Variants in NUDCD3 observed in about 807,000 individuals in gnomAD.
NUDCD3 encodes the protein NudC domain containing 3, also known as nudC domain-containing protein 3.
A neutral mutation model predicts 39.7 loss-of-function variants in NUDCD3; 13 were observed. The observed-to-expected ratio is 0.33, with a 90% CI of 0.21 to 0.52. The LOEUF (loss-of-function observed/expected upper bound fraction) is 0.52, where lower values mean the gene tolerates loss of function less well. Ranked by LOEUF, NUDCD3 falls within the 20% of genes least tolerant of loss-of-function variation. The probability of loss-of-function intolerance (pLI) is 0.96; values close to 1 mark genes in which losing one functional copy is unlikely to be tolerated. For missense variants in NUDCD3, 453 were observed against 458.1 expected, an observed-to-expected ratio of 0.99 and a Z score of 0.10; for synonymous variants, 175 against 172.4, an observed-to-expected ratio of 1.02 and a Z score of -0.12.
intron 2 of NUDCD3, among the ~76,000 whole-genome samples, chr7:44,431,512 C>T (rs1431535734): frequency 6.6e-6 from 1 of 152,090 alleles, no homozygotes; most frequent in Admixed American, 6.6e-5. Context: ...GGAGAGCTAG[C>T]AGCACTGCCA....
chr7:44,406,923 T>C (rs533778532), intron 3 of NUDCD3, among the ~76,000 whole-genome samples: 5 of 152,198 alleles, frequency 3.3e-5, no homozygotes, highest in African/African-American at 1.2e-4. Context: ...TCGGCAGGTA[T>C]GCAGAGCAGG....
chr7:44,419,213 C>A (rs1353095903), intron 3 of NUDCD3, among the ~76,000 whole-genome samples: 1 of 152,082 alleles, frequency 6.6e-6, no homozygotes, highest in African/African-American at 2.4e-5. Flanking sequence ...GCTAAAGAGG[C>A]CTGGAAGCTC....
Position 44,381,596 on chromosome 7 carries a change from A to G in NUDCD3, c.*4415T>C, listed in dbSNP as rs913608902. ...CAGGCCCTGACCAGCTCTGGGGAAG[A>G]AGGCCTAGGACTGAGAGAGGCAGCA... is the stretch of plus-strand genomic sequence containing the variant. On this transcript the variant is annotated 3_prime_UTR_variant, in exon 6 of 6. Coordinates refer to ENST00000355451, the MANE Select transcript of NUDCD3 (RefSeq NM_015332.4). 2 of 152,232 alleles carry G rather than the reference A, an allele frequency of 1.3e-5. No homozygotes were observed. Among genetic ancestry groups the G allele is most frequent in the Non-Finnish European group, 2.9e-5 (2 of 68,058 alleles). The allele number at this position is 152,232 out of a possible 1,614,324, so 9.4% of individuals were successfully genotyped here.
intron 4 of NUDCD3, among the ~76,000 whole-genome samples, chr7:44,394,103 C>T (rs1033931124): frequency 2.2e-4 from 33 of 152,152 alleles, no homozygotes; most frequent in African/African-American, 7.5e-4. Flanking sequence ...CGATGTGGTG[C>T]GGGAGAGCAC....
chr7:44,451,461 C>A (rs976045526), intron 2 of NUDCD3, among the ~76,000 whole-genome samples: 1 of 152,094 alleles, frequency 6.6e-6, no homozygotes, highest in Non-Finnish European at 1.5e-5. Context: ...CATAGCTGCA[C>A]GCTTGAAAAT....
At chr7:44,469,848 G>GAA (rs1311155335) in intron 2 of NUDCD3, among the ~76,000 whole-genome samples, 1 of 145,632 alleles carries the variant, frequency 6.9e-6, no homozygotes, top group African/African-American at 2.5e-5. Flanking sequence ...GGCAATGAAG[G>GAA]AAAAAAAAAA....
Position 44,379,569 on chromosome 7 carries a change from A to G in NUDCD3, c.*6442T>C, listed in dbSNP as rs11770941. The G allele has an allele frequency of 0.15, 22,975 of 152,156 alleles. 1,938 individuals carry two copies. Among genetic ancestry groups the G allele is most frequent in the Non-Finnish European group, 0.18 (12,326 of 68,076 alleles). The allele number at this position is 152,156 out of a possible 1,614,324, so 9.4% of individuals were successfully genotyped here. The stretch of plus-strand genomic sequence containing the variant: ...TGTCGAGGAGTCACCACGGCCCTGC[A>G]CTCAGTTAATGCTCTACTGTTGCTG... On this transcript the variant is annotated 3_prime_UTR_variant, in exon 6 of 6. Coordinates refer to ENST00000355451, the MANE Select transcript of NUDCD3 (RefSeq NM_015332.4).
chr7:44,467,224 G>C (rs1484139965), intron 2 of NUDCD3, among the ~76,000 whole-genome samples: 1 of 152,164 alleles, frequency 6.6e-6, no homozygotes, highest in Non-Finnish European at 1.5e-5. Context: ...AGGAAGGAGA[G>C]TCCCTTCCAA....
chr7:44,446,791 T>C (rs1799696905), intron 2 of NUDCD3, among the ~76,000 whole-genome samples: 1 of 152,190 alleles, frequency 6.6e-6, no homozygotes, highest in Non-Finnish European at 1.5e-5. Flanking sequence ...GCAATCCCCA[T>C]ACTATTACCC....
At chr7:44,486,918 G>A (rs1800623381) in intron 1 of NUDCD3, among the ~76,000 whole-genome samples, 1 of 152,152 alleles carries the variant, frequency 6.6e-6, no homozygotes, top group Non-Finnish European at 1.5e-5. Flanking sequence ...ACAGAACATA[G>A]GGCTGGAAGA....
rs908042720 is a variant in NUDCD3 at position 44,391,364 on chromosome 7, C to T, written c.975+933G>A. Among the ~76,000 whole-genome samples the T allele has an allele frequency of 3.3e-5, 5 of 152,082 alleles. No homozygotes were observed. The East Asian group carries it at 5.8e-4, about 18-fold the overall frequency. On this transcript the variant is annotated intron_variant, in intron 5 of 5. Transcript: ENST00000355451. ...GTCTGTGAAAATAGGCAAGAACGGACGAGACACAGCAACAGGGCTTGCAGA... is the reference window on the plus strand; with the variant it reads ...GTCTGTGAAAATAGGCAAGAACGGATGAGACACAGCAACAGGGCTTGCAGA...
intron 2 of NUDCD3, among the ~76,000 whole-genome samples, chr7:44,444,437 G>T (rs901826334): frequency 9.2e-5 from 14 of 152,172 alleles, no homozygotes; most frequent in African/African-American, 3.4e-4. Flanking sequence ...CTGGCTGGGA[G>T]ACAGGGCCCA....
chr7:44,466,259 G>T (rs962901699), intron 2 of NUDCD3, among the ~76,000 whole-genome samples: 1 of 152,120 alleles, frequency 6.6e-6, no homozygotes, highest in Non-Finnish European at 1.5e-5. Flanking sequence ...ATACTCAGCA[G>T]ACACAAAAAG....
intron 4 of NUDCD3, among the ~76,000 whole-genome samples, chr7:44,399,446 G>C (rs752083486): frequency 3.3e-5 from 5 of 152,224 alleles, no homozygotes; most frequent in African/African-American, 7.2e-5. Context: ...TTCCCACTCT[G>C]AGTTTATGAA....
At chr7:44,422,752 T>A (rs562233058) in intron 3 of NUDCD3, among the ~76,000 whole-genome samples, 121 of 152,154 alleles carry the variant, frequency 8.0e-4, no homozygotes, top group African/African-American at 2.7e-3. Context: ...TTCCAAACAA[T>A]AGAAGAAGAC....
chr7:44,401,486 G>A (rs1258183784), intron 4 of NUDCD3, among the ~76,000 whole-genome samples: 1 of 152,212 alleles, frequency 6.6e-6, no homozygotes, highest in African/African-American at 2.4e-5. Flanking sequence ...CCCTGCACGG[G>A]AGCACTATGG....
At chr7:44,433,652 T>G (rs1205198312) in intron 2 of NUDCD3, among the ~76,000 whole-genome samples, 1 of 152,164 alleles carries the variant, frequency 6.6e-6, no homozygotes, top group African/African-American at 2.4e-5. Context: ...CCAGCAGACA[T>G]GGCTCACTCC....
At chr7:44,440,418 G>A (rs1402105715) in intron 2 of NUDCD3, among the ~76,000 whole-genome samples, 1 of 144,170 alleles carries the variant, frequency 6.9e-6, no homozygotes, top group East Asian at 2.0e-4. Context: ...AGAACATAAT[G>A]CCTAAATGCA....
chr7:44,404,415 C>A, intron 4 of NUDCD3, 25 bp downstream of exon 4: 1 of 1,608,688 alleles, frequency 6.2e-7, no homozygotes, highest in Non-Finnish European at 8.5e-7. Flanking sequence ...ACCTGGGAGC[C>A]CTACACACAG....
Sources: allele counts gnomAD v4.1 joint callset (sites outside exome capture counted in the v4.1 genomes callset), GRCh38; gene constraint gnomAD v4.1.1; transcripts MANE v1.5; gene names NCBI Gene and HGNC (gene_info 2026-07-23, HGNC 2026-07-21).